The following WSCD2 variants were observed in gnomAD, a reference collection of about 807,000 sequenced individuals.
WSCD2 encodes sialate:O-sulfotransferase 2.
A neutral mutation model predicts 55.7 loss-of-function variants in WSCD2; 28 were observed. The ratio of observed to expected loss-of-function variants is 0.50; its 90% confidence interval spans 0.37 to 0.69. The LOEUF (loss-of-function observed/expected upper bound fraction) is 0.69. WSCD2 is among the 30% of genes least tolerant of loss of function. The probability of loss-of-function intolerance (pLI) is 0.00; values close to 1 mark genes in which losing one functional copy is unlikely to be tolerated. For synonymous variants in WSCD2, 301 were observed against 301.9 expected, an observed-to-expected ratio of 1.00 and a Z score of 0.03; for missense variants, 616 against 762.1, an observed-to-expected ratio of 0.81 and a Z score of 2.26.
At chr12:108,139,665 G>A (rs1876583016) in intron 1 of WSCD2, among the ~76,000 whole-genome samples, 1 of 152,112 alleles carries the variant, frequency 6.6e-6, no homozygotes, top group African/African-American at 2.4e-5. Context: ...ATTCTCCAAG[G>A]GTTGCTATGA....
At chr12:108,224,556 T>C (rs563287899) in intron 4 of WSCD2, among the ~76,000 whole-genome samples, 183 bp from the exon 5 acceptor site, 1 of 152,354 alleles carries the variant, frequency 6.6e-6, no homozygotes, top group Admixed American at 6.5e-5. Flanking sequence ...ATCGAGCTCA[T>C]TGACTGTGAA....
intron 4 of WSCD2, among the ~76,000 whole-genome samples, chr12:108,221,873 C>G (rs929575242): frequency 3.9e-5 from 6 of 152,190 alleles, no homozygotes; most frequent in Non-Finnish European, 8.8e-5. Flanking sequence ...CTGACACTAT[C>G]ACCACTACCA....
At chr12:108,195,123 A>G (rs531843000) in intron 1 of WSCD2, among the ~76,000 whole-genome samples, 159 bp from the exon 2 acceptor site, 2 of 152,286 alleles carry the variant, frequency 1.3e-5, no homozygotes, top group East Asian at 3.9e-4. Context: ...AGACTCAGGG[A>G]TGCTCTTTAT....
At chr12:108,163,368 C>CA (rs1013986281) in intron 1 of WSCD2, among the ~76,000 whole-genome samples, 25 of 151,038 alleles carry the variant, frequency 1.7e-4, no homozygotes, top group African/African-American at 5.6e-4. Context: ...GACTTTGTCT[C>CA]AAAAAAAATA....
At chr12:108,162,068 C>T (rs1879121201) in intron 1 of WSCD2, among the ~76,000 whole-genome samples, 2 of 152,194 alleles carry the variant, frequency 1.3e-5, no homozygotes, top group African/African-American at 2.4e-5. Flanking sequence ...CAACATTGCA[C>T]AGAAGCCAAG....
chr12:108,135,864 G>GA (rs61601708), intron 1 of WSCD2, among the ~76,000 whole-genome samples: 118,409 of 151,766 alleles, frequency 0.78, 46,731 homozygotes, highest in East Asian at 0.91. Context: ...CCCATTCATT[G>GA]GCTATTGTCT....
At chr12:108,185,259 G>A (rs916234963) in intron 1 of WSCD2, among the ~76,000 whole-genome samples, 23 of 152,182 alleles carry the variant, frequency 1.5e-4, no homozygotes, top group Admixed American at 1.0e-3. Flanking sequence ...GGACAGGAAT[G>A]TCCTCAATGT....
Position 108,129,777 on chromosome 12 carries a change from C to T in WSCD2, c.-701C>T, listed in dbSNP as rs528156626. The T allele has an allele frequency of 6.6e-6, 1 of 152,272 alleles. No individual in the cohort carries two copies. Among genetic ancestry groups the T allele is most frequent in the African/African-American group, 2.4e-5 (1 of 41,444 alleles). 9.4% of individuals were successfully genotyped at this position (152,272 alleles called of 1,614,324 possible). ...GAGCCTTGGTGGCGAGAAAGGAAAT[C>T]CAGGCTCCCCTTTCCTTAAAGCCAC... On this transcript the variant is annotated 5_prime_UTR_variant, in exon 1 of 9. Transcript: ENST00000547525.
rs758158009 is a variant in WSCD2 at position 108,240,465 on chromosome 12, C to T, written c.1266C>T (p.Tyr422=). Reference sequence around the variant, plus strand: ...CCATCCTGCTCATCCGCAACCCCTACAAAGCCCTCATGGCTGAGTTCAACC... The same window carrying T: ...CCATCCTGCTCATCCGCAACCCCTATAAAGCCCTCATGGCTGAGTTCAACC... ...DAAILLIRNP[Y]KALMAEFNRK... is the part of the protein sequence containing the mutation. The change falls in exon 8 of 9, where the codon TAC becomes TAT. Residue 422 remains tyrosine, a synonymous_variant. Transcript: ENST00000547525. The T allele has an allele frequency of 2.5e-6, 4 of 1,613,810 alleles. No individual in the cohort carries two copies. The African/African-American group carries it at 5.3e-5, about 22-fold the overall frequency.
intron 7 of WSCD2, among the ~76,000 whole-genome samples, chr12:108,235,898 GCCGCTTGC>G (rs1213249593): frequency 1.3e-5 from 2 of 152,246 alleles, no homozygotes; most frequent in Admixed American, 1.3e-4. Flanking sequence ...AAAATGAAGA[GCCGCTTGC>G]CCCCCAACAG....
intron 7 of WSCD2, among the ~76,000 whole-genome samples, chr12:108,234,639 G>A (rs904964135): frequency 4.6e-5 from 7 of 152,182 alleles, no homozygotes; most frequent in Non-Finnish European, 8.8e-5. Flanking sequence ...CCTTGTGGGA[G>A]CTGCTGGGAA....
chr12:108,197,841 C>T (rs115037008), intron 2 of WSCD2, among the ~76,000 whole-genome samples: 252 of 151,506 alleles, frequency 1.7e-3, no homozygotes, highest in African/African-American at 5.9e-3. Context: ...CCCCACTCCC[C>T]TCACCATGCT....
intron 2 of WSCD2, among the ~76,000 whole-genome samples, chr12:108,199,215 G>C (rs1009572894): frequency 2.0e-5 from 3 of 152,130 alleles, no homozygotes; most frequent in African/African-American, 7.2e-5. Context: ...ATAAAAATGA[G>C]ACACTTCTCC....
intron 1 of WSCD2, among the ~76,000 whole-genome samples, chr12:108,148,433 G>A (rs1592886858): frequency 6.6e-6 from 1 of 152,348 alleles, no homozygotes; most frequent in South Asian, 2.1e-4. Context: ...GGTGTGAGGT[G>A]ATGAGGCCTG....
Position 108,201,812 on chromosome 12 carries a change from A to G in WSCD2, c.383-4477A>G, listed in dbSNP as rs143263742. Among the ~76,000 whole-genome samples, 16 of 152,308 alleles carry G rather than the reference A, an allele frequency of 1.1e-4. No homozygotes were observed. In the East Asian group the frequency reaches 2.9e-3, roughly 28 times the overall value. On this transcript the variant is annotated intron_variant, in intron 2 of 8. Transcript: ENST00000547525. The stretch of plus-strand genomic sequence containing the variant: ...CATTGAAGAGAGCAAAATTCCATGA[A>G]AAGATTAATTGTAGCAAAAGAAAAA...
chr12:108,204,188 A>G (rs2137077175), intron 2 of WSCD2, among the ~76,000 whole-genome samples: 1 of 152,194 alleles, frequency 6.6e-6, no homozygotes, highest in Admixed American at 6.5e-5. Context: ...TAGGTGTTCA[A>G]TACATGATAG....
intron 1 of WSCD2, among the ~76,000 whole-genome samples, chr12:108,187,060 A>G (rs1203427799): frequency 6.6e-6 from 1 of 152,204 alleles, no homozygotes; most frequent in Non-Finnish European, 1.5e-5. Flanking sequence ...CTACAGGTCC[A>G]TAGTCTAAGT....
chr12:108,140,940 A>G (rs2136879415), intron 1 of WSCD2, among the ~76,000 whole-genome samples: 1 of 152,364 alleles, frequency 6.6e-6, no homozygotes, highest in Middle Eastern at 3.4e-3. Flanking sequence ...CTTCGCTCCC[A>G]TGCTGCTTTT....
intron 1 of WSCD2, among the ~76,000 whole-genome samples, chr12:108,168,154 C>T (rs142311803): frequency 1.6e-3 from 242 of 152,260 alleles, no homozygotes; most frequent in African/African-American, 5.4e-3. Flanking sequence ...AACATTGACT[C>T]GGCACTAATT....
Sources: gnomAD v4.1 joint callset for allele counts (sites outside exome capture counted in the v4.1 genomes callset) on GRCh38, gnomAD v4.1.1 for gene constraint, MANE v1.5 for transcripts, NCBI Gene and HGNC (gene_info 2026-07-23, HGNC 2026-07-21) for gene names.